Variants in ANXA5 observed in about 807,000 individuals in gnomAD.
The protein encoded by ANXA5 is CBP-I.
Under a neutral mutation model 48.1 loss-of-function variants are expected in ANXA5, and 40 were observed. The ratio of observed to expected loss-of-function variants is 0.83; its 90% CI spans 0.65 to 1.08. The LOEUF (loss-of-function observed/expected upper bound fraction) is 1.08. ANXA5 is among the 50% of genes least tolerant of loss of function. The pLI is 0.00. For missense variants in ANXA5, 357 were observed against 376.8 expected, an observed-to-expected ratio of 0.95 and a Z score of 0.44; for synonymous variants, 113 against 129.1, an observed-to-expected ratio of 0.88 and a Z score of 0.85.
At chr4:121,670,159 G>C in intron 10 of ANXA5, 147 bp from the exon 11 acceptor site, 1 of 585,828 alleles carries the variant, frequency 1.7e-6, no homozygotes, top group Non-Finnish European at 2.9e-6. Context: ...AAGCTAATCT[G>C]ATTTCCTCAC....
At chr4:121,671,033 T>C (rs977850009) in intron 10 of ANXA5, among the ~76,000 whole-genome samples, 2 of 152,148 alleles carry the variant, frequency 1.3e-5, no homozygotes, top group African/African-American at 4.8e-5. Context: ...CAGATTCAGT[T>C]CTCCAATTTT....
intron 12 of ANXA5, chr4:121,669,302 G>T (rs41279317): frequency 8.1e-6 from 2 of 248,092 alleles, no homozygotes; most frequent in African/African-American, 4.5e-5. Context: ...ATAAAAGACA[G>T]AAAGAACACA....
chr4:121,677,883 G>T lies in ANXA5; in HGVS notation c.531+11C>A, dbSNP rs768920309. On this transcript the variant is annotated intron_variant, in intron 8 of 12. Transcript: ENST00000296511. The stretch of plus-strand genomic sequence containing the variant: ...AGCATAATAAAGTCATCATATCCTG[G>T]TGTCACTCACCTGAGCATCTTGTTC... The T allele has an allele frequency of 9.9e-6, 16 of 1,608,516 alleles. No homozygotes were observed. The highest frequency in any genetic ancestry group is 1.2e-5 in the Non-Finnish European group (14 of 1,175,200).
intron 2 of ANXA5, among the ~76,000 whole-genome samples, chr4:121,691,439 C>A (rs1724982529): frequency 6.6e-6 from 1 of 152,136 alleles, no homozygotes; most frequent in Non-Finnish European, 1.5e-5. Context: ...ATTCACCTGT[C>A]TGGAACATTT....
At position 121,669,845 on chromosome 4, in the gene ANXA5, T is replaced by C. The variant is rs1724583857; in HGVS notation, c.780+109A>G. 4.8e-6 allele frequency: 7 copies of C among 1,459,036 alleles called. No homozygotes were observed. In the Admixed American group the frequency reaches 1.3e-4, roughly 26 times the overall value. 90.4% of individuals were successfully genotyped at this position (1,459,036 alleles called of 1,614,324 possible). A position where few individuals can be genotyped will look rare whatever the true frequency, so the allele number is the denominator to read the frequency against. ...CAATTTAGTAGAACTGGGTTGAATG[T>C]TATAAGGGAAAAATTCCCAAGGTCT... On this transcript the variant is annotated intron_variant, in intron 11 of 12. Coordinates refer to ENST00000296511, the MANE Select transcript of ANXA5 (RefSeq NM_001154.4).
At chr4:121,677,980 A>G (rs1318540259) in intron 7 of ANXA5, 30 bp from the exon 8 acceptor site, 1 of 1,576,126 alleles carries the variant, frequency 6.3e-7, no homozygotes. Flanking sequence ...ACATTACTGA[A>G]CTATAGAGCA....
Position 121,677,916 on chromosome 4 carries a change from G to A in ANXA5, c.509C>T (p.Ala170Val). Residue 170 changes from alanine (A) to valine (V), a missense_variant, in exon 8 of 13, where the codon GCT becomes GTT. Physicochemically the swap from Ala to Val is moderately conservative, Grantham distance 64. Coordinates refer to ENST00000296511, the MANE Select transcript of ANXA5 (RefSeq NM_001154.4). ...NRDPDAGIDE[A>V]QVEQDAQALF... ...CACCTGAGCATCTTGTTCAACTTGA[G>A]CTTCATCAATTCCAGCATCAGGGTC... 1 of 1,613,680 alleles carries A rather than the reference G, an allele frequency of 6.2e-7. No individual in the cohort carries two copies. Among genetic ancestry groups the A allele is most frequent in the South Asian group, 1.1e-5 (1 of 91,058 alleles).
chr4:121,670,453 A>G (rs1461569718), intron 10 of ANXA5, among the ~76,000 whole-genome samples: 2 of 152,184 alleles, frequency 1.3e-5, no homozygotes, highest in Admixed American at 1.3e-4. Context: ...TGATCTTCCT[A>G]TACTCTCTAC....
intron 8 of ANXA5, among the ~76,000 whole-genome samples, chr4:121,673,024 C>T (rs1273824102): frequency 6.6e-6 from 1 of 152,204 alleles, no homozygotes. Context: ...TCTGCCTTTT[C>T]TGTTTTGCTT....
chr4:121,669,725 C>CT lies in ANXA5; in HGVS notation c.781-2dup. 1 of 1,541,082 alleles carries CT rather than the reference C, an allele frequency of 6.5e-7. No homozygotes were observed. Among genetic ancestry groups the CT allele is most frequent in the Non-Finnish European group, 8.7e-7 (1 of 1,153,052 alleles). On this transcript the variant is annotated splice_acceptor_variant, in intron 11 of 12. Transcript: ENST00000296511. LOFTEE classifies it high-confidence loss of function. ...GGGTATGATCATCTGTCCCAGCTCC[C>CT]TTTAAAAAAAAAAAAAAAGAGAGAA...
chr4:121,683,594 A>T (rs910525880), intron 4 of ANXA5, 117 bp from the exon 5 acceptor site: 3 of 587,120 alleles, frequency 5.1e-6, no homozygotes, highest in Non-Finnish European at 3.0e-6. Context: ...CTCCAAGTAG[A>T]AGGCCCATGA....
At chr4:121,692,887 A>G (rs943813707) in intron 2 of ANXA5, among the ~76,000 whole-genome samples, 3 of 152,384 alleles carry the variant, frequency 2.0e-5, no homozygotes, top group African/African-American at 7.2e-5. Flanking sequence ...GTGAAAATGC[A>G]AAAGCCTCAT....
At chr4:121,676,786 G>C (rs1192870377) in intron 8 of ANXA5, among the ~76,000 whole-genome samples, 1 of 152,092 alleles carries the variant, frequency 6.6e-6, no homozygotes, top group East Asian at 1.9e-4. Flanking sequence ...GGAGGGGCAA[G>C]AGGGCAGAGA....
At chr4:121,687,783 G>A (rs1023978232) in intron 2 of ANXA5, among the ~76,000 whole-genome samples, 4 of 152,116 alleles carry the variant, frequency 2.6e-5, no homozygotes, top group Admixed American at 2.6e-4. Flanking sequence ...AGGAGATAGT[G>A]ACAAAGACTC....
Position 121,683,364 on chromosome 4 carries a change from CT to C in ANXA5, c.302del (p.Lys101ArgfsTer10). On this transcript the variant is annotated frameshift_variant and splice_region_variant, in exon 5 of 13. Coordinates refer to ENST00000296511, the MANE Select transcript of ANXA5 (RefSeq NM_001154.4). LOFTEE classifies it high-confidence loss of function. Reference sequence around the variant, plus strand: ...TGTTCCTTTCACTCATCCTTTTTACCTTCAAGGCATGTTTCAGTTCATAAGC... The same window carrying C: ...TGTTCCTTTCACTCATCCTTTTTACCTCAAGGCATGTTTCAGTTCATAAGC... ...YDAYELKHAL[K>X]GAGTNEKVLT... 1 of 1,575,062 alleles carries C rather than the reference CT, an allele frequency of 6.3e-7. No individual in the cohort carries two copies. The highest frequency in any genetic ancestry group is 1.1e-5 in the South Asian group (1 of 87,396).
chr4:121,675,163 T>C (rs1415373989), intron 8 of ANXA5, among the ~76,000 whole-genome samples: 1 of 152,204 alleles, frequency 6.6e-6, no homozygotes, highest in African/African-American at 2.4e-5. Context: ...GTAAATCTGT[T>C]TTAATGCATT....
intron 2 of ANXA5, among the ~76,000 whole-genome samples, chr4:121,687,156 C>A (rs1163573745): frequency 6.6e-6 from 1 of 151,762 alleles, no homozygotes; most frequent in Admixed American, 6.6e-5. Context: ...AAAAATTAAC[C>A]GGGTGTGGTG....
intron 2 of ANXA5, among the ~76,000 whole-genome samples, chr4:121,693,220 C>T (rs954541320): frequency 4.6e-5 from 7 of 150,602 alleles, no homozygotes; most frequent in East Asian, 1.9e-4. Context: ...GACAACAAAG[C>T]GAGACTCCAT....
chr4:121,673,222 G>A (rs995060391), intron 8 of ANXA5, among the ~76,000 whole-genome samples: 9 of 152,300 alleles, frequency 5.9e-5, no homozygotes, highest in Admixed American at 5.2e-4. Context: ...TGGTTGAATA[G>A]TTTGAGTGCC....
Sources: gnomAD v4.1 joint callset for allele counts (sites outside exome capture counted in the v4.1 genomes callset) on GRCh38, gnomAD v4.1.1 for gene constraint, MANE v1.5 for transcripts, NCBI Gene and HGNC (gene_info 2026-07-23, HGNC 2026-07-21) for gene names.